Variants in ATG2A observed in about 807,000 individuals in gnomAD.
ATG2A encodes autophagy-related protein 2 homolog A.
Under a neutral mutation model 214.2 loss-of-function variants are expected in ATG2A, and 103 were observed. The ratio of observed to expected loss-of-function variants is 0.48; its 90% CI spans 0.41 to 0.57. The LOEUF is 0.57. Ranked by LOEUF, ATG2A falls within the 20% of genes least tolerant of loss-of-function variation. The probability of loss-of-function intolerance (pLI) is 0.00; values close to 1 mark genes in which losing one functional copy is unlikely to be tolerated. For synonymous variants in ATG2A, 1,160 were observed against 1,142.1 expected (o/e 1.02, Z -0.32); for missense variants, 2,312 against 2,613.2 (o/e 0.88, Z 2.51).
chr11:64,910,484 G>A (rs1726620437), intron 12 of ATG2A, 132 bp downstream of exon 12: 15 of 1,148,810 alleles, frequency 1.3e-5, no homozygotes, highest in Non-Finnish European at 1.8e-5. Flanking sequence ...GTATTTGAGG[G>A]CCCCAGCATG....
chr11:64,902,151 G>A lies in ATG2A; in HGVS notation c.3930C>T (p.Pro1310=). 3 of 1,613,410 alleles carry A rather than the reference G, an allele frequency of 1.9e-6. No homozygotes were observed. The highest frequency in any genetic ancestry group is 2.2e-5 in the South Asian group (2 of 91,080). ...PSGGHLPQAS[P]ISVYLFPGER... is the part of the protein sequence containing the mutation. The stretch of plus-strand genomic sequence containing the variant: ...CACCTGGGAATAGGTAGACGGAGAT[G>A]GGCGACGCCTGAGGGAGGTGGCCAC... Residue 1310 remains proline, a synonymous_variant, in exon 29 of 41, where the codon CCC becomes CCT. Coordinates refer to ENST00000377264, the MANE Select transcript of ATG2A (RefSeq NM_015104.3).
In ATG2A at chr11:64,913,316, G is replaced by T; in HGVS notation, c.676C>A (p.Leu226Met). ...AGGCGGACCCCTGCCAGCTGCAGCA[G>T]CTTGTGCAGGAAGGCAGGCGGCTGA... ...VHQPPAFLHK[L>M]LQLAGVRLHY... Residue 226 changes from leucine to methionine, a missense_variant, in exon 5 of 41, where the codon CTG (leucine) becomes ATG (methionine). Leu to Met is a conservative substitution (Grantham distance 15). Transcript: ENST00000377264. The surrounding 1 kb of genome is among the most constrained non-coding windows in gnomAD (Gnocchi z 4.3). 6.2e-7 allele frequency: 1 copy of T among 1,609,396 alleles called. No individual in the cohort carries two copies. Among genetic ancestry groups the T allele is most frequent in the Non-Finnish European group, 8.5e-7 (1 of 1,178,822 alleles).
Position 64,898,009 on chromosome 11 carries a change from C to G in ATG2A, c.4859-35G>C. On this transcript the variant is annotated intron_variant, in intron 34 of 40. Transcript: ENST00000377264. This position sits in a 1 kb window ranked among gnomAD's most constrained non-coding sequence, Gnocchi z 4.5. ...GGGAGGTCACAGACTGGGGATGGGG[C>G]CAGGAATGACTGGGAACCTGTGCTG... 6.3e-7 allele frequency: 1 copy of G among 1,588,532 alleles called. No homozygotes were observed. Among genetic ancestry groups the G allele is most frequent in the Admixed American group, 1.7e-5 (1 of 57,200 alleles).
Position 64,897,413 on chromosome 11 carries a change from CG to C in ATG2A, c.5148del (p.His1716GlnfsTer167). ...ELKLKRLCCR[H>X]GLLGVDKVLG... ...GAGGCTGGGGTGCTGGGGACTCACC[CG>C]TGCCTGCAACAGAGCCGCTTTAGCT... On this transcript the variant is annotated frameshift_variant and splice_region_variant, in exon 37 of 41. Coordinates refer to ENST00000377264, the MANE Select transcript of ATG2A (RefSeq NM_015104.3). LOFTEE classifies it high-confidence loss of function. 2 of 1,560,948 alleles carry C rather than the reference CG, an allele frequency of 1.3e-6. No individual in the cohort carries two copies. The highest frequency in any genetic ancestry group is 1.7e-6 in the Non-Finnish European group (2 of 1,152,280).
At chr11:64,896,344 G>C (rs1944149249) in intron 39 of ATG2A, 118 bp downstream of exon 39, 3 of 1,382,744 alleles carry the variant, frequency 2.2e-6, no homozygotes, top group Non-Finnish European at 1.9e-6. Flanking sequence ...TATAAAGTAG[G>C]GCTGTCATAC....
chr11:64,916,707 C>T (rs1944999431), intron 1 of ATG2A, among the ~76,000 whole-genome samples: 1 of 152,290 alleles, frequency 6.6e-6, no homozygotes, highest in Non-Finnish European at 1.5e-5. Context: ...GTCTTGCATT[C>T]TCCAGACAGG....
chr11:64,896,663 ACCT>A (rs1944163845), intron 38 of ATG2A, 47 bp from the exon 39 acceptor site: 1 of 1,606,610 alleles, frequency 6.2e-7, no homozygotes, highest in South Asian at 1.1e-5. Flanking sequence ...CCCTGCCCCC[ACCT>A]CCTCCTCTTA....
chr11:64,913,758 A>AC lies in ATG2A; in HGVS notation c.590+62dup. ...CCAGGAACCTAGGCTGCGGGTGGGG[A>AC]CCATCCAGCAGCCCCCACTCCCCAT... On this transcript the variant is annotated intron_variant, in intron 4 of 40. Transcript: ENST00000377264. This position sits in a 1 kb window ranked among gnomAD's most constrained non-coding sequence, Gnocchi z 4.3. 4.0e-6 allele frequency: 6 copies of AC among 1,483,124 alleles called. No individual in the cohort carries two copies. The highest frequency in any genetic ancestry group is 5.6e-6 in the Non-Finnish European group (6 of 1,072,924). 91.9% of individuals were successfully genotyped at this position (1,483,124 alleles called of 1,614,324 possible). A position where few individuals can be genotyped will look rare whatever the true frequency, so the allele number is the denominator to read the frequency against.
In ATG2A at chr11:64,898,487, C is replaced by G. The variant is rs151054074; in HGVS notation, c.4672-125G>C. On this transcript the variant is annotated intron_variant, in intron 32 of 40. Transcript: ENST00000377264. The surrounding 1 kb of genome is among the most constrained non-coding windows in gnomAD (Gnocchi z 4.5). The stretch of plus-strand genomic sequence containing the variant: ...CACGCTGTTCCCTTCGCTAACACAG[C>G]CCCTAGCTCTGCCCTTCTCCCAGGC... The G allele has an allele frequency of 7.2e-4, 945 of 1,313,620 alleles. 4 individuals carry two copies. The African/African-American group carries it at 0.013, about 18-fold the overall frequency. The allele number at this position is 1,313,620 out of a possible 1,614,324, so 81.4% of individuals were successfully genotyped here.
At position 64,898,855 on chromosome 11, in the gene ATG2A, C is replaced by G. The variant is rs747461686; in HGVS notation, c.4465-13G>C. On this transcript the variant is annotated splice_polypyrimidine_tract_variant and intron_variant, in intron 31 of 40. Transcript: ENST00000377264. The surrounding 1 kb of genome is among the most constrained non-coding windows in gnomAD (Gnocchi z 4.5). ...GCTGGAAGCTTACCTGTGGGGTGGA[C>G]AGAGGCCTGGCCAGGTAAGCAGGGC... 5 of 1,604,148 alleles carry G rather than the reference C, an allele frequency of 3.1e-6. No homozygotes were observed. The highest frequency in any genetic ancestry group is 4.2e-6 in the Non-Finnish European group (5 of 1,178,792).
chr11:64,916,299 G>C (rs1234845190), intron 1 of ATG2A, among the ~76,000 whole-genome samples: 1 of 152,154 alleles, frequency 6.6e-6, no homozygotes, highest in Non-Finnish European at 1.5e-5. Context: ...CACTGAGCCG[G>C]GGGGGTCGGT....
At chr11:64,910,756 C>A in intron 11 of ATG2A, 48 bp from the exon 12 acceptor site, 1 of 1,610,248 alleles carries the variant, frequency 6.2e-7, no homozygotes, top group East Asian at 2.2e-5. Context: ...GGCCCCACAG[C>A]CACCCAAACC....
intron 1 of ATG2A, 64 bp from the exon 2 acceptor site, chr11:64,914,564 C>G: frequency 1.3e-6 from 2 of 1,567,498 alleles, no homozygotes; most frequent in Non-Finnish European, 1.7e-6. Flanking sequence ...CTGGCACAGC[C>G]TTATCTGGCC....
rs192910571 is a variant in ATG2A, at chr11:64,906,015, T to C, written c.3264+98A>G. On this transcript the variant is annotated intron_variant, in intron 22 of 40. Transcript: ENST00000377264. ...ACAAGGTCAGCTGTGGCCCAGTCCATGTTCCTCCCACCGGCCTCCTCCCAC... is the reference window on the plus strand; with the variant it reads ...ACAAGGTCAGCTGTGGCCCAGTCCACGTTCCTCCCACCGGCCTCCTCCCAC... 7 of 1,446,888 alleles carry C rather than the reference T, an allele frequency of 4.8e-6. No individual in the cohort carries two copies. The African/African-American group carries it at 5.6e-5, about 12-fold the overall frequency. 89.6% of individuals were successfully genotyped at this position (1,446,888 alleles called of 1,614,324 possible).
Position 64,912,424 on chromosome 11 carries a change from C to A in ATG2A, c.826-1G>T. The A allele has an allele frequency of 6.5e-7, 1 of 1,547,576 alleles. No homozygotes were observed. The highest frequency in any genetic ancestry group is 8.7e-7 in the Non-Finnish European group (1 of 1,146,270). Reference sequence around the variant, plus strand: ...AGCCCAGCTGTCCCGCCACCTCCAACTGGGGGCCAAGGAGGCAGCCATGGA... The same window carrying A: ...AGCCCAGCTGTCCCGCCACCTCCAAATGGGGGCCAAGGAGGCAGCCATGGA... On this transcript the variant is annotated splice_acceptor_variant, in intron 6 of 40. Coordinates refer to ENST00000377264, the MANE Select transcript of ATG2A (RefSeq NM_015104.3). LOFTEE classifies it high-confidence loss of function.
chr11:64,904,353 T>C (rs960729470), intron 24 of ATG2A, among the ~76,000 whole-genome samples: 2 of 152,058 alleles, frequency 1.3e-5, no homozygotes, highest in Non-Finnish European at 2.9e-5. Context: ...GAGACCAGCC[T>C]GACCAACAAG....
chr11:64,912,258 G>A lies in ATG2A; in HGVS notation c.923-9C>T, dbSNP rs776553763. On this transcript the variant is annotated splice_polypyrimidine_tract_variant and intron_variant, in intron 7 of 40. Coordinates refer to ENST00000377264, the MANE Select transcript of ATG2A (RefSeq NM_015104.3). The stretch of plus-strand genomic sequence containing the variant: ...AGCCAGGCCCTCGTGGTCTGCAGGG[G>A]AGGAGACTTCAGTCTGGGCTGGCTG... 1 of 1,601,706 alleles carries A rather than the reference G, an allele frequency of 6.2e-7. No individual in the cohort carries two copies. Among genetic ancestry groups the A allele is most frequent in the Admixed American group, 1.7e-5 (1 of 59,806 alleles).
intron 24 of ATG2A, among the ~76,000 whole-genome samples, chr11:64,905,075 C>T (rs377110788): frequency 1.3e-5 from 2 of 152,058 alleles, no homozygotes; most frequent in African/African-American, 2.4e-5. Flanking sequence ...AGGCTGGTCT[C>T]GAACTCCTGA....
At position 64,902,695 on chromosome 11, in the gene ATG2A, TG is replaced by T. The variant is rs762342222; in HGVS notation, c.3613-16del. On this transcript the variant is annotated splice_polypyrimidine_tract_variant and intron_variant, in intron 26 of 40. Coordinates refer to ENST00000377264, the MANE Select transcript of ATG2A (RefSeq NM_015104.3). Reference sequence around the variant, plus strand: ...AGTGGCTGGCTCTGCAGGGGCGGGGTGGGGGGAGCAGCTATGTGAACACAGG... The same window carrying T: ...AGTGGCTGGCTCTGCAGGGGCGGGGTGGGGGAGCAGCTATGTGAACACAGG... 1 of 1,584,838 alleles carries T rather than the reference TG, an allele frequency of 6.3e-7. No individual in the cohort carries two copies. The highest frequency in any genetic ancestry group is 8.6e-7 in the Non-Finnish European group (1 of 1,165,216).
Sources: allele counts gnomAD v4.1 joint callset (sites outside exome capture counted in the v4.1 genomes callset), GRCh38; gene constraint gnomAD v4.1.1; non-coding constraint Gnocchi (gnomAD v3.1); transcripts MANE v1.5; gene names NCBI Gene and HGNC (gene_info 2026-07-23, HGNC 2026-07-21).